Variants in FHIT observed in about 807,000 individuals in gnomAD.
FHIT encodes fragile histidine triad diadenosine triphosphatase, also known as bis(5'-adenosyl)-triphosphatase.
In FHIT, 19 loss-of-function variants were observed where a neutral mutation model predicts 17.9. The ratio of observed to expected loss-of-function variants is 1.06; its 90% CI spans 0.74 to 1.56. The LOEUF (loss-of-function observed/expected upper bound fraction) is 1.56. Among genes scored for constraint, FHIT ranks in the 40% most tolerant of loss-of-function variants. FHIT has a pLI of 0.00. For synonymous variants in FHIT, 81 were observed against 69.7 expected (o/e 1.16, Z -0.81); for missense variants, 248 against 189.2 (o/e 1.31, Z -1.82).
At chr3:60,982,128 A>T (rs1053973741) in intron 3 of FHIT, among the ~76,000 whole-genome samples, 1 of 152,134 alleles carries the variant, frequency 6.6e-6, no homozygotes, top group African/African-American at 2.4e-5. Flanking sequence ...GACTAAATGG[A>T]TCATGTCTTC....
intron 5 of FHIT, among the ~76,000 whole-genome samples, chr3:60,325,451 TC>T (rs1709648606): frequency 6.6e-6 from 1 of 152,244 alleles, no homozygotes; most frequent in Admixed American, 6.5e-5. Flanking sequence ...TACATTTTTT[TC>T]AATGATAGTG....
chr3:61,027,439 G>A (rs1364495346), intron 3 of FHIT, among the ~76,000 whole-genome samples: 1 of 152,132 alleles, frequency 6.6e-6, no homozygotes, highest in Non-Finnish European at 1.5e-5. Flanking sequence ...TATTGTATTT[G>A]TAGAGTGGAA....
chr3:60,052,608 G>C (rs1432386292), intron 5 of FHIT, among the ~76,000 whole-genome samples: 1 of 151,766 alleles, frequency 6.6e-6, no homozygotes, highest in Non-Finnish European at 1.5e-5. Flanking sequence ...CCTTTTCCTG[G>C]GAATCAGAAA....
At chr3:60,478,195 A>G (rs754759513) in intron 5 of FHIT, among the ~76,000 whole-genome samples, 4 of 152,190 alleles carry the variant, frequency 2.6e-5, no homozygotes, top group Non-Finnish European at 5.9e-5. Context: ...TATGCATCCC[A>G]CTTACAGATG....
chr3:60,270,564 AG>A (rs1258777556), intron 5 of FHIT, among the ~76,000 whole-genome samples: 2 of 152,218 alleles, frequency 1.3e-5, no homozygotes, highest in Non-Finnish European at 2.9e-5. Flanking sequence ...ATACACATGC[AG>A]AAGATTGAAA....
chr3:61,202,442 C>G (rs896521487), intron 1 of FHIT, among the ~76,000 whole-genome samples: 2 of 145,930 alleles, frequency 1.4e-5, no homozygotes, highest in Non-Finnish European at 3.0e-5. Context: ...GAAGTGACAG[C>G]CTTGTGTGTG....
At chr3:59,765,033 C>T (rs1309822883) in intron 8 of FHIT, among the ~76,000 whole-genome samples, 1 of 152,152 alleles carries the variant, frequency 6.6e-6, no homozygotes, top group Non-Finnish European at 1.5e-5. Context: ...TGTACCTAAC[C>T]TTCCAATTAT....
chr3:61,243,372 GT>G lies in FHIT; in HGVS notation c.-213+7928del, dbSNP rs538305622. On this transcript the variant is annotated intron_variant, in intron 1 of 9. Transcript: ENST00000492590. ...TGCCCCAGGAGCAGAACCTAAGAAA[GT>G]AGAGAAAGGATTGTTTTTCTTTTTT... Among the ~76,000 whole-genome samples the G allele has an allele frequency of 1.7e-3, 265 of 152,292 alleles. 1 individual carries two copies. The highest frequency in any genetic ancestry group is 6.2e-3 in the African/African-American group (259 of 41,556).
In FHIT at chr3:60,523,629, G is replaced by A. The variant is rs559356144; in HGVS notation, c.103+13231C>T. Among the ~76,000 whole-genome samples the A allele has an allele frequency of 7.9e-5, 12 of 152,288 alleles. 1 individual carries two copies. The South Asian group carries it at 1.7e-3, about 21-fold the overall frequency. On this transcript the variant is annotated intron_variant, in intron 5 of 9. Coordinates refer to ENST00000492590, the MANE Select transcript of FHIT (RefSeq NM_002012.4). ...ACAGAGCTGCTCCAGACTTCCTGAG[G>A]AAGGCAAGACAGTGGCATATACAAT...
intron 3 of FHIT, among the ~76,000 whole-genome samples, chr3:61,038,443 G>C (rs1038853903): frequency 2.6e-5 from 4 of 152,198 alleles, no homozygotes; most frequent in African/African-American, 9.7e-5. Context: ...ATTTCTCTAG[G>C]TTAAGAGACT....
At chr3:59,971,856 A>G (rs1357004879) in intron 7 of FHIT, among the ~76,000 whole-genome samples, 3 of 152,192 alleles carry the variant, frequency 2.0e-5, no homozygotes, top group African/African-American at 4.8e-5. Flanking sequence ...AGGGTGTGGC[A>G]TACAGTAAAA....
chr3:61,245,402 G>A (rs1051455327), intron 1 of FHIT, among the ~76,000 whole-genome samples: 5 of 152,052 alleles, frequency 3.3e-5, no homozygotes, highest in African/African-American at 4.8e-5. Context: ...TTGCTCTATC[G>A]AGTCCATTCT....
chr3:60,281,468 C>T (rs952293529), intron 5 of FHIT, among the ~76,000 whole-genome samples: 1 of 152,058 alleles, frequency 6.6e-6, no homozygotes, highest in Admixed American at 6.6e-5. Flanking sequence ...CAGCATGGTA[C>T]TGGTGACAGA....
intron 5 of FHIT, among the ~76,000 whole-genome samples, chr3:60,459,516 C>T (rs977447982): frequency 2.0e-5 from 3 of 152,104 alleles, no homozygotes; most frequent in African/African-American, 7.2e-5. Context: ...TAATAGCTAC[C>T]ACAGATACAT....
intron 8 of FHIT, among the ~76,000 whole-genome samples, chr3:59,818,626 G>C (rs532528197): frequency 1.3e-5 from 2 of 152,290 alleles, no homozygotes; most frequent in South Asian, 4.1e-4. Flanking sequence ...AGTAACATTT[G>C]CTTTTATTAG....
At chr3:60,971,921 A>G (rs1275362354) in intron 3 of FHIT, among the ~76,000 whole-genome samples, 2 of 152,214 alleles carry the variant, frequency 1.3e-5, no homozygotes, top group African/African-American at 4.8e-5. Context: ...TTGATTTTTT[A>G]CATTTGTATA....
At chr3:60,063,717 A>G (rs1266110120) in intron 5 of FHIT, among the ~76,000 whole-genome samples, 1 of 152,186 alleles carries the variant, frequency 6.6e-6, no homozygotes, top group African/African-American at 2.4e-5. Flanking sequence ...AACCCAGCAA[A>G]TGCATTGCTA....
intron 4 of FHIT, among the ~76,000 whole-genome samples, chr3:60,711,264 A>G (rs1186524781): frequency 6.6e-6 from 1 of 152,088 alleles, no homozygotes; most frequent in Admixed American, 6.5e-5. Context: ...CACACCAAAA[A>G]CCCATCTGTA....
At chr3:60,572,026 C>CT (rs887077588) in intron 4 of FHIT, among the ~76,000 whole-genome samples, 4 of 151,498 alleles carry the variant, frequency 2.6e-5, no homozygotes, top group East Asian at 1.9e-4. Flanking sequence ...TTCTTTCTTT[C>CT]TTTTTTTTGG....
Sources: allele counts gnomAD v4.1 joint callset (sites outside exome capture counted in the v4.1 genomes callset), GRCh38; gene constraint gnomAD v4.1.1; transcripts MANE v1.5; gene names NCBI Gene and HGNC (gene_info 2026-07-23, HGNC 2026-07-21).